FBXL20: variants seen among roughly 807,000 people sequenced by gnomAD.
The protein encoded by FBXL20 is F-box and leucine rich repeat protein 20, also known as F-box/LRR-repeat protein 20.
FBXL20 carries 11 observed loss-of-function variants against 64.0 expected under a neutral mutation model. The ratio of observed to expected loss-of-function variants is 0.17; its 90% CI spans 0.11 to 0.28. The LOEUF (loss-of-function observed/expected upper bound fraction) is 0.28. Ranked by LOEUF, FBXL20 falls within the 10% of genes least tolerant of loss-of-function variation. The pLI is 1.00. For synonymous variants in FBXL20, 184 were observed against 189.0 expected, an observed-to-expected ratio of 0.97 and a Z score of 0.22; for missense variants, 303 against 526.2, an observed-to-expected ratio of 0.58 and a Z score of 4.15.
At chr17:39,348,653 T>C (rs907687927) in intron 1 of FBXL20, among the ~76,000 whole-genome samples, 1 of 152,156 alleles carries the variant, frequency 6.6e-6, no homozygotes, top group Non-Finnish European at 1.5e-5. Flanking sequence ...ATGGTCATCA[T>C]TCTCCAGATG....
intron 5 of FBXL20, 200 bp from the exon 6 acceptor site, chr17:39,297,395 T>C (rs2144435455): frequency 2.7e-6 from 1 of 364,642 alleles, no homozygotes; most frequent in South Asian, 6.4e-5. Context: ...TCCTGAGTGA[T>C]AGTATCTTTT....
At chr17:39,310,411 G>A (rs979363853) in intron 2 of FBXL20, among the ~76,000 whole-genome samples, 12 of 151,818 alleles carry the variant, frequency 7.9e-5, no homozygotes, top group Non-Finnish European at 1.2e-4. Flanking sequence ...CTTTCCTTCC[G>A]CCAGTTACCT....
intron 2 of FBXL20, among the ~76,000 whole-genome samples, chr17:39,329,790 G>C (rs2047443148): frequency 1.3e-5 from 2 of 152,046 alleles, no homozygotes; most frequent in African/African-American, 4.8e-5. Flanking sequence ...TTGAGGCCAG[G>C]AGCTCGAGAC....
chr17:39,301,597 A>C (rs2047135969), intron 3 of FBXL20, among the ~76,000 whole-genome samples: 1 of 152,150 alleles, frequency 6.6e-6, no homozygotes, highest in Non-Finnish European at 1.5e-5. Context: ...GTGTGGTGGC[A>C]CGTGCCTGTA....
In FBXL20 at chr17:39,261,274, G is replaced by C. The variant is rs1207334308; in HGVS notation, c.*186C>G. 2 of 544,730 alleles carry C rather than the reference G, an allele frequency of 3.7e-6. No homozygotes were observed. Among genetic ancestry groups the C allele is most frequent in the African/African-American group, 1.9e-5 (1 of 51,680 alleles). 33.7% of individuals were successfully genotyped at this position (544,730 alleles called of 1,614,324 possible). A position where few individuals can be genotyped will look rare whatever the true frequency, so the allele number is the denominator to read the frequency against. ...CAAACTTCAGTCCCATGGTCACAAA[G>C]CTAGAGTGGATGGGGGTAAGGGTGT... On this transcript the variant is annotated 3_prime_UTR_variant, in exon 15 of 15. Transcript: ENST00000264658.
chr17:39,314,681 T>A (rs909730905), intron 2 of FBXL20, among the ~76,000 whole-genome samples: 2 of 151,452 alleles, frequency 1.3e-5, no homozygotes, highest in Non-Finnish European at 2.9e-5. Flanking sequence ...TATTTCTATA[T>A]TTAGAGATTT....
chr17:39,370,554 A>G (rs1286216637), intron 1 of FBXL20, among the ~76,000 whole-genome samples: 6 of 147,654 alleles, frequency 4.1e-5, no homozygotes, highest in South Asian at 2.2e-4. Context: ...TGGGAGGCCG[A>G]GGCGGGCGGA....
chr17:39,315,661 G>T lies in FBXL20; in HGVS notation c.105-12022C>A, dbSNP rs1281789743. 2.0e-5 allele frequency among the ~76,000 whole-genome samples: 3 copies of T among 151,892 alleles called. No homozygotes were observed. In the East Asian group the frequency reaches 5.8e-4, roughly 29 times the overall value. The stretch of plus-strand genomic sequence containing the variant: ...GGGTGAATGGGCAGCCTTGGGTAGA[G>T]TGTCAAAGTAAGGTGAGAAGGGCAT... On this transcript the variant is annotated intron_variant, in intron 2 of 14. Coordinates refer to ENST00000264658, the MANE Select transcript of FBXL20 (RefSeq NM_032875.3).
chr17:39,344,181 G>A (rs9909064), intron 1 of FBXL20, among the ~76,000 whole-genome samples: 2 of 151,038 alleles, frequency 1.3e-5, no homozygotes, highest in Non-Finnish European at 3.0e-5. Context: ...GAACTCTGTC[G>A]CTACCAAAAA....
At chr17:39,372,099 A>AT (rs1273738239) in intron 1 of FBXL20, among the ~76,000 whole-genome samples, 2 of 151,940 alleles carry the variant, frequency 1.3e-5, no homozygotes, top group Non-Finnish European at 2.9e-5. Context: ...GTCATTTACT[A>AT]TTTCTTTCTC....
intron 6 of FBXL20, among the ~76,000 whole-genome samples, chr17:39,289,668 A>C (rs1283418785): frequency 1.3e-5 from 2 of 151,638 alleles, no homozygotes; most frequent in African/African-American, 4.8e-5. Context: ...ACAAAAAAAA[A>C]ACCCAAACTA....
At chr17:39,390,474 T>C (rs745906089) in intron 1 of FBXL20, among the ~76,000 whole-genome samples, 2 of 151,366 alleles carry the variant, frequency 1.3e-5, no homozygotes, top group African/African-American at 2.4e-5. Context: ...GGCAGGAGAA[T>C]CACTTTAACC....
At chr17:39,393,266 G>T (rs986679651) in intron 1 of FBXL20, among the ~76,000 whole-genome samples, 2 of 151,788 alleles carry the variant, frequency 1.3e-5, no homozygotes, top group African/African-American at 4.8e-5. Flanking sequence ...TCCAGCCTGG[G>T]CAAGAAGAGC....
intron 2 of FBXL20, among the ~76,000 whole-genome samples, chr17:39,315,294 GC>G (rs1191351345): frequency 4.0e-5 from 6 of 151,624 alleles, no homozygotes; most frequent in Admixed American, 2.0e-4. Flanking sequence ...ATGATGTTGA[GC>G]ATCTTTTCAC....
chr17:39,312,918 CTT>C (rs56972736), intron 2 of FBXL20, among the ~76,000 whole-genome samples: 14 of 110,564 alleles, frequency 1.3e-4, no homozygotes, highest in African/African-American at 1.1e-4. Context: ...AAGATAGTTA[CTT>C]TTTTTTTTTT....
Position 39,401,524 on chromosome 17 carries a change from C to T in FBXL20, c.-122G>A. 6.9e-7 allele frequency: 1 copy of T among 1,457,160 alleles called. No individual in the cohort carries two copies. Among genetic ancestry groups the T allele is most frequent in the African/African-American group, 1.5e-5 (1 of 68,072 alleles). The allele number at this position is 1,457,160 out of a possible 1,614,324, so 90.3% of individuals were successfully genotyped here. ...GGCGCCGGAGGGGTGACGCCGGGAC[C>T]GTGGGACGGGAACAAGAGACCTCTC... is the stretch of plus-strand genomic sequence containing the variant. On this transcript the variant is annotated 5_prime_UTR_variant, in exon 1 of 15. Coordinates refer to ENST00000264658, the MANE Select transcript of FBXL20 (RefSeq NM_032875.3).
At chr17:39,278,095 AGAGT>A (rs2046915252) in intron 9 of FBXL20, among the ~76,000 whole-genome samples, 1 of 152,198 alleles carries the variant, frequency 6.6e-6, no homozygotes, top group Admixed American at 6.5e-5. Context: ...GTGTATGTAT[AGAGT>A]GTGTAAATAT....
intron 1 of FBXL20, among the ~76,000 whole-genome samples, chr17:39,350,164 C>T (rs1290901146): frequency 6.6e-6 from 1 of 152,124 alleles, no homozygotes; most frequent in Non-Finnish European, 1.5e-5. Context: ...CAAAAAAACA[C>T]ATTATATGTT....
rs2048152750 is a variant in FBXL20 at position 39,393,303 on chromosome 17, T to A, written c.42+8058A>T. Among the ~76,000 whole-genome samples, 6 of 151,604 alleles carry A rather than the reference T, an allele frequency of 4.0e-5. No homozygotes were observed. In the South Asian group the frequency reaches 1.2e-3, roughly 32 times the overall value. Reference sequence around the variant, plus strand: ...AAACTGTCTCAGGAAAAAAAAATAATAAATAATAATAATAATTAAATAAAT... The same window carrying A: ...AAACTGTCTCAGGAAAAAAAAATAAAAAATAATAATAATAATTAAATAAAT... On this transcript the variant is annotated intron_variant, in intron 1 of 14. Coordinates refer to ENST00000264658, the MANE Select transcript of FBXL20 (RefSeq NM_032875.3).
Sources: allele counts gnomAD v4.1 joint callset (sites outside exome capture counted in the v4.1 genomes callset), GRCh38; gene constraint gnomAD v4.1.1; transcripts MANE v1.5; gene names NCBI Gene and HGNC (gene_info 2026-07-23, HGNC 2026-07-21).